CCAR1: variants seen among roughly 807,000 people sequenced by gnomAD.
CCAR1 encodes cell division cycle and apoptosis regulator 1.
In CCAR1, 78 loss-of-function variants were observed where a neutral mutation model predicts 163.8. The observed-to-expected ratio is 0.48, with a 90% CI of 0.40 to 0.57. CCAR1 has a LOEUF of 0.57. CCAR1 is among the 20% of genes least tolerant of loss of function. The pLI is 0.00. For missense variants in CCAR1, 1,019 were observed against 1,365.2 expected (o/e 0.75, Z 4.00); for synonymous variants, 443 against 460.7 (o/e 0.96, Z 0.49).
rs58856212 is a variant in CCAR1 at position 68,775,497 on chromosome 10, CTTT to C, written c.2650+2413_2650+2415del. ...GTGTTCCAGCTGTCAGCCTCATTTT[CTTT>C]TTTTTTTTTTTTTTGTTTTTTGTTT... On this transcript the variant is annotated intron_variant, in intron 19 of 24. Coordinates refer to ENST00000265872, the MANE Select transcript of CCAR1 (RefSeq NM_018237.4). Among the ~76,000 whole-genome samples, 396 of 117,976 alleles carry C rather than the reference CTTT, an allele frequency of 3.4e-3. 3 individuals are homozygous for C. The highest frequency in any genetic ancestry group is 0.011 in the African/African-American group (365 of 32,892). The allele number at this position is 117,976 out of a possible 152,430, so 77.4% of individuals were successfully genotyped here.
intron 4 of CCAR1, among the ~76,000 whole-genome samples, chr10:68,740,245 C>T (rs1316804112): frequency 6.6e-6 from 1 of 152,110 alleles, no homozygotes; most frequent in Non-Finnish European, 1.5e-5. Flanking sequence ...AAATCAGGTT[C>T]TGTATTTTTA....
In CCAR1 at chr10:68,791,321, A is replaced by G. The variant is rs1213547586; in HGVS notation, c.*55A>G. On this transcript the variant is annotated 3_prime_UTR_variant, in exon 25 of 25. Coordinates refer to ENST00000265872, the MANE Select transcript of CCAR1 (RefSeq NM_018237.4). ...TTAAATAATGTAATATATAAAAATC[A>G]TGATATAAGAATGTTTGAAGGTGAT... 3 of 1,204,750 alleles carry G rather than the reference A, an allele frequency of 2.5e-6. No homozygotes were observed. The highest frequency in any genetic ancestry group is 4.3e-5 in the Admixed American group (2 of 46,984). The allele number at this position is 1,204,750 out of a possible 1,614,324, so 74.6% of individuals were successfully genotyped here.
chr10:68,783,418 C>G (rs763521092), intron 19 of CCAR1, among the ~76,000 whole-genome samples: 4 of 152,000 alleles, frequency 2.6e-5, no homozygotes, highest in Non-Finnish European at 5.9e-5. Context: ...CGTGATCTGT[C>G]TGCCTTGGCC....
chr10:68,775,605 G>A (rs1589187930), intron 19 of CCAR1, among the ~76,000 whole-genome samples: 4 of 147,616 alleles, frequency 2.7e-5, no homozygotes, highest in African/African-American at 1.0e-4. Context: ...TGCCTCCCGG[G>A]TTCAAGCGAT....
intron 1 of CCAR1, 71 bp downstream of exon 1, chr10:68,721,353 G>A (rs1379008875): frequency 1.1e-5 from 3 of 268,746 alleles, no homozygotes; most frequent in Non-Finnish European, 2.2e-5. Flanking sequence ...TGTCGAATCT[G>A]TGGAAGGGCC....
intron 19 of CCAR1, among the ~76,000 whole-genome samples, chr10:68,781,904 C>A (rs548279763): frequency 1.3e-5 from 2 of 152,030 alleles, no homozygotes; most frequent in Non-Finnish European, 2.9e-5. Flanking sequence ...TTGGAGTGTT[C>A]AAGTGAAACC....
In CCAR1 at chr10:68,791,305, G is replaced by C; in HGVS notation, c.*39G>C. Reference sequence around the variant, plus strand: ...GTGATGAGGAATGGTGTTAAATAATGTAATATATAAAAATCATGATATAAG... The same window carrying C: ...GTGATGAGGAATGGTGTTAAATAATCTAATATATAAAAATCATGATATAAG... On this transcript the variant is annotated 3_prime_UTR_variant, in exon 25 of 25. Transcript: ENST00000265872. 7.5e-7 allele frequency: 1 copy of C among 1,326,768 alleles called. No individual in the cohort carries two copies. The highest frequency in any genetic ancestry group is 1.1e-6 in the Non-Finnish European group (1 of 946,042). 82.2% of individuals were successfully genotyped at this position (1,326,768 alleles called of 1,614,324 possible). A position where few individuals can be genotyped will look rare whatever the true frequency, so the allele number is the denominator to read the frequency against.
intron 15 of CCAR1, 123 bp from the exon 16 acceptor site, chr10:68,760,884 A>C (rs1213637679): frequency 2.8e-4 from 111 of 402,986 alleles, no homozygotes; most frequent in Middle Eastern, 9.4e-4. Context: ...AAAAACAAAA[A>C]AAAAAAAAAC....
At chr10:68,734,698 C>A (rs368584051) in intron 2 of CCAR1, among the ~76,000 whole-genome samples, 1 of 152,016 alleles carries the variant, frequency 6.6e-6, no homozygotes, top group East Asian at 1.9e-4. Flanking sequence ...TTAATTCCTG[C>A]GTTTAATTCA....
At chr10:68,781,295 C>A (rs1349616959) in intron 19 of CCAR1, among the ~76,000 whole-genome samples, 1 of 152,002 alleles carries the variant, frequency 6.6e-6, no homozygotes, top group African/African-American at 2.4e-5. Flanking sequence ...GTAATCCCGG[C>A]ACTTTGGGAG....
intron 19 of CCAR1, among the ~76,000 whole-genome samples, chr10:68,773,665 C>CA (rs879844912): frequency 0.012 from 1,676 of 136,568 alleles, 21 homozygotes; most frequent in African/African-American, 0.04. Flanking sequence ...GACCCTGTCT[C>CA]AAAAAAAAAA....
intron 6 of CCAR1, among the ~76,000 whole-genome samples, chr10:68,745,207 C>CGT (rs2056236824): frequency 1.3e-5 from 2 of 151,946 alleles, no homozygotes; most frequent in Admixed American, 6.6e-5. Flanking sequence ...AGGGTTTCAC[C>CGT]GTGTTGGTCA....
intron 5 of CCAR1, among the ~76,000 whole-genome samples, chr10:68,741,221 G>A (rs957682869): frequency 6.6e-6 from 1 of 151,964 alleles, no homozygotes; most frequent in Non-Finnish European, 1.5e-5. Flanking sequence ...CCCGGCTGAG[G>A]TTTTATTTTA....
At chr10:68,765,841 C>T in intron 16 of CCAR1, 47 bp from the exon 17 acceptor site, 1 of 1,336,016 alleles carries the variant, frequency 7.5e-7, no homozygotes, top group Non-Finnish European at 1.1e-6. Flanking sequence ...CATGTATATA[C>T]ATCCTACTTG....
At chr10:68,790,385 A>C (rs905087421) in intron 24 of CCAR1, among the ~76,000 whole-genome samples, 1 of 151,822 alleles carries the variant, frequency 6.6e-6, no homozygotes, top group East Asian at 1.9e-4. Context: ...TTCCCAAAAG[A>C]TGTTGTTTTT....
In CCAR1 at chr10:68,787,995, A is replaced by C. The variant is rs1310204199; in HGVS notation, c.2949A>C (p.Ser983=). Reference sequence around the variant, plus strand: ...TTTACCGGAAATTAACAGACACCTCAAAAGATGAAGAGAACCATGAAGAGT... The same window carrying C: ...TTTACCGGAAATTAACAGACACCTCCAAAGATGAAGAGAACCATGAAGAGT... The part of the protein sequence containing the change: ...SCFYRKLTDT[S]KDEENHEESE... Residue 983 remains serine, a synonymous_variant, in exon 22 of 25, where the codon TCA becomes TCC. Coordinates refer to ENST00000265872, the MANE Select transcript of CCAR1 (RefSeq NM_018237.4). 13 of 1,613,046 alleles carry C rather than the reference A, an allele frequency of 8.1e-6. No individual in the cohort carries two copies. The highest frequency in any genetic ancestry group is 1.6e-4 in the Middle Eastern group (1 of 6,078).
intron 6 of CCAR1, among the ~76,000 whole-genome samples, chr10:68,743,437 A>G (rs2056210445): frequency 6.6e-6 from 1 of 151,894 alleles, no homozygotes; most frequent in African/African-American, 2.4e-5. Flanking sequence ...AAGTGCTGGG[A>G]TTACAGGTGT....
chr10:68,773,143 A>G, intron 19 of CCAR1, 44 bp downstream of exon 19: 2 of 1,047,048 alleles, frequency 1.9e-6, no homozygotes, highest in Non-Finnish European at 1.4e-6. Context: ...TTAAGAATAC[A>G]TTTTTTGTTT....
At chr10:68,737,428 G>A (rs941735223) in intron 3 of CCAR1, among the ~76,000 whole-genome samples, 1 of 151,176 alleles carries the variant, frequency 6.6e-6, no homozygotes, top group African/African-American at 2.4e-5. Context: ...CTTGAGCATT[G>A]GGAGGTTGAG....
Sources: allele counts gnomAD v4.1 joint callset (sites outside exome capture counted in the v4.1 genomes callset), GRCh38; gene constraint gnomAD v4.1.1; transcripts MANE v1.5; gene names NCBI Gene and HGNC (gene_info 2026-07-23, HGNC 2026-07-21).